RBMS3: variants seen among roughly 807,000 people sequenced by gnomAD.
RBMS3 encodes RNA binding motif single stranded interacting protein 3, also known as RNA-binding motif, single-stranded-interacting protein 3.
In RBMS3, 27 loss-of-function variants were observed where a neutral mutation model predicts 66.8. The ratio of observed to expected loss-of-function variants is 0.40; its 90% CI spans 0.30 to 0.56. The LOEUF (loss-of-function observed/expected upper bound fraction) is 0.56. RBMS3 is among the 20% of genes least tolerant of loss of function. The probability of loss-of-function intolerance (pLI) is 0.40; values close to 1 mark genes in which losing one functional copy is unlikely to be tolerated. For missense variants in RBMS3, 513 were observed against 549.5 expected (o/e 0.93, Z 0.66); for synonymous variants, 188 against 183.0 (o/e 1.03, Z -0.22).
At position 29,739,171 on chromosome 3, in the gene RBMS3, C is replaced by G. The variant is rs376396982; in HGVS notation, c.400-549C>G. 1.5e-4 allele frequency among the ~76,000 whole-genome samples: 23 copies of G among 151,908 alleles called. No individual in the cohort carries two copies. The South Asian group carries it at 4.2e-3, about 27-fold the overall frequency. On this transcript the variant is annotated intron_variant, in intron 4 of 14. Transcript: ENST00000383767. ...TCAATTGCATTAAAAGTTTATTGGT[C>G]GGCCGGACGTGATGGCTCACACCTG...
intron 6 of RBMS3, among the ~76,000 whole-genome samples, chr3:29,798,774 C>T (rs1464931546): frequency 1.3e-5 from 2 of 152,104 alleles, no homozygotes; most frequent in Non-Finnish European, 2.9e-5. Context: ...TCCATAATAA[C>T]CACATCTGTC....
chr3:29,447,376 G>T (rs920274924), intron 2 of RBMS3, among the ~76,000 whole-genome samples: 8 of 152,060 alleles, frequency 5.3e-5, no homozygotes, highest in African/African-American at 1.9e-4. Context: ...AGGTTGACTT[G>T]TTTCTCAGAA....
At chr3:29,998,777 G>A (rs4333056) in intron 14 of RBMS3, among the ~76,000 whole-genome samples, 21,629 of 151,646 alleles carry the variant, frequency 0.14, 1,798 homozygotes, top group East Asian at 0.2. Flanking sequence ...AAGATGGATG[G>A]ATTAAAGACT....
At chr3:29,416,979 A>G (rs2040502543) in intron 1 of RBMS3, among the ~76,000 whole-genome samples, 1 of 152,172 alleles carries the variant, frequency 6.6e-6, no homozygotes, top group Non-Finnish European at 1.5e-5. Context: ...ATCACTAGAA[A>G]AAAAAGTGCC....
At chr3:29,945,063 T>C (rs575423247) in intron 12 of RBMS3, among the ~76,000 whole-genome samples, 1 of 151,900 alleles carries the variant, frequency 6.6e-6, no homozygotes, top group Admixed American at 6.6e-5. Flanking sequence ...TTTATTTCAG[T>C]TAATTTTTTA....
At chr3:29,497,200 G>A (rs939157515) in intron 3 of RBMS3, among the ~76,000 whole-genome samples, 4 of 151,944 alleles carry the variant, frequency 2.6e-5, no homozygotes, top group East Asian at 3.9e-4. Context: ...TAGTAGAGAC[G>A]GGGTTTCACT....
At chr3:29,775,139 C>CT (rs1323122148) in intron 6 of RBMS3, among the ~76,000 whole-genome samples, 2 of 151,668 alleles carry the variant, frequency 1.3e-5, no homozygotes, top group East Asian at 3.9e-4. Context: ...TACGCTCTCA[C>CT]TTTTTTTGGT....
At chr3:29,380,370 T>C (rs762070517) in intron 1 of RBMS3, among the ~76,000 whole-genome samples, 1 of 152,216 alleles carries the variant, frequency 6.6e-6, no homozygotes, top group Non-Finnish European at 1.5e-5. Context: ...TTTTCTACTA[T>C]CTTTTATATG....
chr3:29,390,897 C>T lies in RBMS3; in HGVS notation c.76-43846C>T, dbSNP rs143266556. On this transcript the variant is annotated intron_variant, in intron 1 of 14. Transcript: ENST00000383767. ...GGAGGCGTAGTGGACATTAACACTGCTTTGCAAGAGGAGCTGAAGACCACC... is the reference window on the plus strand; with the variant it reads ...GGAGGCGTAGTGGACATTAACACTGTTTTGCAAGAGGAGCTGAAGACCACC... 313 of 172,228 alleles carry T rather than the reference C, an allele frequency of 1.8e-3. 1 individual carries two copies. Among genetic ancestry groups the T allele is most frequent in the Admixed American group, 3.9e-3 (68 of 17,590 alleles). The allele number at this position is 172,228 out of a possible 1,614,324, so 10.7% of individuals were successfully genotyped here. A position where few individuals can be genotyped will look rare whatever the true frequency, so the allele number is the denominator to read the frequency against.
chr3:29,566,864 C>A (rs955021796), intron 3 of RBMS3, among the ~76,000 whole-genome samples: 1 of 151,950 alleles, frequency 6.6e-6, no homozygotes, highest in Non-Finnish European at 1.5e-5. Flanking sequence ...CAAAACTCAA[C>A]AAACTGTACA....
intron 3 of RBMS3, among the ~76,000 whole-genome samples, chr3:29,498,501 A>T (rs972007615): frequency 4.6e-5 from 7 of 152,190 alleles, no homozygotes; most frequent in African/African-American, 1.7e-4. Context: ...ACTAAAATTT[A>T]TGTAAACTTG....
chr3:29,282,285 A>G (rs931875591), intron 1 of RBMS3, among the ~76,000 whole-genome samples: 1 of 152,024 alleles, frequency 6.6e-6, no homozygotes, highest in Non-Finnish European at 1.5e-5. Context: ...GTTTATTTTT[A>G]TTTTTAATTT....
rs1360501610 is a variant in RBMS3 at position 29,995,668 on chromosome 3, A to G, written c.1307+4459A>G. Among the ~76,000 whole-genome samples the G allele has an allele frequency of 4.6e-5, 7 of 152,140 alleles. No homozygotes were observed. In the East Asian group the frequency reaches 7.7e-4, roughly 17 times the overall value. ...CAGAATTTCATATCCAGCCAAACTA[A>G]GCTTCATAAGTGAAGGAGAAATAAA... is the stretch of plus-strand genomic sequence containing the variant. On this transcript the variant is annotated intron_variant, in intron 14 of 14. Coordinates refer to ENST00000383767, the MANE Select transcript of RBMS3 (RefSeq NM_001003793.3).
Position 29,404,727 on chromosome 3 carries a change from C to T in RBMS3, c.76-30016C>T, listed in dbSNP as rs1270728399. On this transcript the variant is annotated intron_variant, in intron 1 of 14. Transcript: ENST00000383767. ...TCTTGAGTGATAAATCTTCAATTTG[C>T]CTTATTAACAGAGATATGAGTGTTG... Among the ~76,000 whole-genome samples, 3 of 152,092 alleles carry T rather than the reference C, an allele frequency of 2.0e-5. No individual in the cohort carries two copies. The South Asian group carries it at 6.2e-4, about 32-fold the overall frequency.
At chr3:29,703,017 A>T (rs769171743) in intron 4 of RBMS3, among the ~76,000 whole-genome samples, 2 of 152,244 alleles carry the variant, frequency 1.3e-5, no homozygotes, top group Non-Finnish European at 2.9e-5. Flanking sequence ...ACTAGATGAT[A>T]TTATTAGATG....
At chr3:29,798,583 T>G (rs2057290408) in intron 6 of RBMS3, among the ~76,000 whole-genome samples, 1 of 152,144 alleles carries the variant, frequency 6.6e-6, no homozygotes, top group South Asian at 2.1e-4. Context: ...ATATACAGAA[T>G]GGAATAGGAG....
At chr3:29,662,614 A>T (rs1290708321) in intron 4 of RBMS3, among the ~76,000 whole-genome samples, 1 of 152,196 alleles carries the variant, frequency 6.6e-6, no homozygotes, top group Non-Finnish European at 1.5e-5. Context: ...GTAAATGCTC[A>T]CACCCCAAAG....
At chr3:29,451,180 A>T (rs2125760270) in intron 2 of RBMS3, among the ~76,000 whole-genome samples, 1 of 152,320 alleles carries the variant, frequency 6.6e-6, no homozygotes, top group Non-Finnish European at 1.5e-5. Flanking sequence ...GGACAGAGGG[A>T]AAGAAATGCA....
At chr3:29,500,805 A>C (rs2043938246) in intron 3 of RBMS3, among the ~76,000 whole-genome samples, 1 of 151,688 alleles carries the variant, frequency 6.6e-6, no homozygotes, top group Non-Finnish European at 1.5e-5. Context: ...GTGATGCATG[A>C]CTGTATATAA....
Sources: gnomAD v4.1 joint callset for allele counts (sites outside exome capture counted in the v4.1 genomes callset) on GRCh38, gnomAD v4.1.1 for gene constraint, MANE v1.5 for transcripts, NCBI Gene and HGNC (gene_info 2026-07-23, HGNC 2026-07-21) for gene names.